Variants in MYO1E observed in about 807,000 individuals in gnomAD.
MYO1E encodes the protein myosin IE.
In MYO1E, 68 loss-of-function variants were observed where a neutral mutation model predicts 151.1. The ratio of observed to expected loss-of-function variants is 0.45; its 90% CI spans 0.37 to 0.55. MYO1E has a LOEUF of 0.55. Ranked by LOEUF, MYO1E falls within the 20% of genes least tolerant of loss-of-function variation. The pLI is 0.00. For missense variants in MYO1E, 1,363 were observed against 1,389.3 expected (o/e 0.98, Z 0.30); for synonymous variants, 601 against 501.7 (o/e 1.20, Z -2.64).
intron 1 of MYO1E, among the ~76,000 whole-genome samples, chr15:59,324,672 C>T (rs928689002): frequency 1.5e-4 from 22 of 151,420 alleles, no homozygotes; most frequent in African/African-American, 5.4e-4. Flanking sequence ...AGCCCCCCCC[C>T]CACAGAGGGC....
chr15:59,255,368 C>A (rs115368678), intron 4 of MYO1E, among the ~76,000 whole-genome samples: 1 of 151,958 alleles, frequency 6.6e-6, no homozygotes, highest in Admixed American at 6.6e-5. Context: ...GTGAGCCACC[C>A]CAACTGGAGT....
chr15:59,224,103 G>A (rs1054112831), intron 8 of MYO1E, among the ~76,000 whole-genome samples: 1 of 152,240 alleles, frequency 6.6e-6, no homozygotes, highest in Non-Finnish European at 1.5e-5. Flanking sequence ...CCAAGTGGGT[G>A]TTCAGCCTAC....
chr15:59,264,706 A>G (rs1229790284), intron 2 of MYO1E, among the ~76,000 whole-genome samples: 1 of 152,184 alleles, frequency 6.6e-6, no homozygotes, highest in Admixed American at 6.5e-5. Flanking sequence ...ATCTTTTCTA[A>G]TTGGTAAGGA....
intron 7 of MYO1E, among the ~76,000 whole-genome samples, chr15:59,225,820 G>C (rs1443829830): frequency 1.3e-5 from 2 of 151,946 alleles, no homozygotes; most frequent in Non-Finnish European, 2.9e-5. Flanking sequence ...CTAATTTTTT[G>C]TATTTTTAGT....
At chr15:59,307,270 A>T (rs1360705451) in intron 1 of MYO1E, among the ~76,000 whole-genome samples, 2 of 152,202 alleles carry the variant, frequency 1.3e-5, no homozygotes, top group Non-Finnish European at 2.9e-5. Context: ...GTGGCACATG[A>T]GCATAGGCTA....
intron 2 of MYO1E, among the ~76,000 whole-genome samples, chr15:59,263,504 T>C (rs1311906659): frequency 1.3e-5 from 2 of 152,206 alleles, no homozygotes; most frequent in Admixed American, 6.5e-5. Context: ...CACAGTGTTA[T>C]TACTACTTAA....
In MYO1E at chr15:59,297,042, CAG is replaced by C. The variant is rs1250074191; in HGVS notation, c.4-24595_4-24594del. On this transcript the variant is annotated intron_variant, in intron 1 of 27. Coordinates refer to ENST00000288235, the MANE Select transcript of MYO1E (RefSeq NM_004998.4). ...AATTTTTTGTGTTTTTTTGTAGAGA[CAG>C]AGTTTCACTGTGTTAGCCAGGATGG... Among the ~76,000 whole-genome samples the C allele has an allele frequency of 1.5e-4, 10 of 65,836 alleles. 2 individuals carry two copies. The highest frequency in any genetic ancestry group is 3.9e-4 in the Admixed American group (2 of 5,070). 43.2% of individuals were successfully genotyped at this position (65,836 alleles called of 152,430 possible).
chr15:59,157,505 G>T (rs749741662), intron 25 of MYO1E, among the ~76,000 whole-genome samples: 1 of 152,146 alleles, frequency 6.6e-6, no homozygotes, highest in Non-Finnish European at 1.5e-5. Flanking sequence ...CAATTCCTAA[G>T]GCTTAGGTTG....
At chr15:59,211,931 T>C (rs1206197339) in intron 12 of MYO1E, among the ~76,000 whole-genome samples, 1 of 152,068 alleles carries the variant, frequency 6.6e-6, no homozygotes, top group African/African-American at 2.4e-5. Flanking sequence ...TGCTTTCCCC[T>C]GACTCATCCC....
chr15:59,216,244 T>C (rs983864909), intron 10 of MYO1E, among the ~76,000 whole-genome samples: 19 of 152,074 alleles, frequency 1.2e-4, no homozygotes, highest in Non-Finnish European at 2.8e-4. Context: ...TAGGGCCTCC[T>C]AGATCACTCA....
At chr15:59,352,910 C>A (rs1303467792) in intron 1 of MYO1E, among the ~76,000 whole-genome samples, 2 of 152,170 alleles carry the variant, frequency 1.3e-5, no homozygotes, top group Non-Finnish European at 2.9e-5. Context: ...CAAGCACTTC[C>A]GAAAACAGCA....
chr15:59,152,900 C>T (rs1473464897), intron 26 of MYO1E, among the ~76,000 whole-genome samples: 2 of 152,172 alleles, frequency 1.3e-5, no homozygotes, highest in Admixed American at 6.5e-5. Flanking sequence ...TGGGTTGCTA[C>T]GTTCTTCCTT....
intron 12 of MYO1E, among the ~76,000 whole-genome samples, chr15:59,213,418 G>A (rs1261076377): frequency 6.6e-6 from 1 of 152,028 alleles, no homozygotes; most frequent in African/African-American, 2.4e-5. Context: ...TGATCTGCCC[G>A]TCTCGGCCTC....
At chr15:59,237,980 G>T (rs1360813605) in intron 4 of MYO1E, among the ~76,000 whole-genome samples, 1 of 152,122 alleles carries the variant, frequency 6.6e-6, no homozygotes, top group Non-Finnish European at 1.5e-5. Context: ...CTCATGACCT[G>T]CAAAAGTCTG....
intron 26 of MYO1E, among the ~76,000 whole-genome samples, chr15:59,141,997 T>C (rs974321597): frequency 5.5e-5 from 8 of 145,574 alleles, no homozygotes; most frequent in Admixed American, 2.0e-4. Context: ...GTCCCAGCTA[T>C]TCGGGAGGCT....
chr15:59,195,680 A>G (rs1447904412), intron 16 of MYO1E, 113 bp from the exon 17 acceptor site: 1 of 1,060,008 alleles, frequency 9.4e-7, no homozygotes, highest in Admixed American at 1.8e-5. Context: ...ATTAATCTTC[A>G]TGACAATTTG....
intron 2 of MYO1E, among the ~76,000 whole-genome samples, chr15:59,268,667 C>T (rs2080270327): frequency 1.5e-5 from 2 of 137,906 alleles, no homozygotes; most frequent in African/African-American, 2.6e-5. Context: ...AAGCTCTACA[C>T]CAAGAGATTA....
At chr15:59,173,450 A>T (rs1411851326) in intron 21 of MYO1E, among the ~76,000 whole-genome samples, 2 of 152,142 alleles carry the variant, frequency 1.3e-5, no homozygotes, top group African/African-American at 4.8e-5. Flanking sequence ...AAAGACAAAC[A>T]AAAAACCACT....
intron 1 of MYO1E, among the ~76,000 whole-genome samples, chr15:59,332,357 C>T (rs1449376712): frequency 6.6e-6 from 1 of 152,198 alleles, no homozygotes; most frequent in Non-Finnish European, 1.5e-5. Context: ...GGCTTTTGTA[C>T]AGCAACACAT....
Sources: allele counts gnomAD v4.1 joint callset (sites outside exome capture counted in the v4.1 genomes callset), GRCh38; gene constraint gnomAD v4.1.1; transcripts MANE v1.5; gene names NCBI Gene and HGNC (gene_info 2026-07-23, HGNC 2026-07-21).